Variants in DNAH12 observed in about 807,000 individuals in gnomAD.
The protein encoded by DNAH12 is axonemal beta dynein heavy chain 12.
DNAH12 carries 285 observed loss-of-function variants against 371.5 expected under a neutral mutation model. That is an observed-to-expected ratio of 0.77 (90% confidence interval 0.70 to 0.85). The LOEUF (loss-of-function observed/expected upper bound fraction) is 0.85, where lower values mean the gene tolerates loss of function less well. Among genes scored for constraint, DNAH12 ranks in the 40% least tolerant of loss-of-function variants. The pLI, the probability that DNAH12 is intolerant of heterozygous loss-of-function variation, is 0.00. For synonymous variants in DNAH12, 1,200 were observed against 1,213.0 expected (o/e 0.99, Z 0.22); for missense variants, 3,611 against 3,689.4 (o/e 0.98, Z 0.55).
Position 57,489,621 on chromosome 3 carries a change from T to C in DNAH12, c.1402A>G (p.Met468Val), listed in dbSNP as rs1178601182. 5.2e-6 allele frequency: 8 copies of C among 1,542,728 alleles called. No homozygotes were observed. Among genetic ancestry groups the C allele is most frequent in the South Asian group, 4.9e-5 (4 of 81,676 alleles). Residue 468 changes from methionine to valine, a missense_variant, in exon 12 of 74, where the codon ATG becomes GTG. Around this residue, in one of 3 missense-constraint regions of DNAH12, gnomAD observed 1,314 missense variants for 1,398.7 expected, o/e 0.94. Coordinates refer to ENST00000495027, the MANE Select transcript of DNAH12 (RefSeq NM_001366028.2). ...AAATCTTCACAATCCAAACGCACCATAGTGTAATGAATCCACTGAGGCAAA... is the reference window on the plus strand; with the variant it reads ...AAATCTTCACAATCCAAACGCACCACAGTGTAATGAATCCACTGAGGCAAA... ...MLLPQWIHYT[M>V]VRLDCEDLKT...
intron 70 of DNAH12, among the ~76,000 whole-genome samples, chr3:57,298,487 T>G (rs903446040): frequency 1.3e-5 from 2 of 152,200 alleles, no homozygotes; most frequent in Admixed American, 6.5e-5. Flanking sequence ...TGCACCCTGG[T>G]CAAATGTTAC....
chr3:57,397,809 A>T, intron 43 of DNAH12, among the ~76,000 whole-genome samples: 1 of 152,296 alleles, frequency 6.6e-6, no homozygotes, highest in Middle Eastern at 3.4e-3. Context: ...ATTGGTGAAG[A>T]TCTTCCCTGC....
intron 17 of DNAH12, among the ~76,000 whole-genome samples, chr3:57,465,463 A>G (rs899223518): frequency 8.5e-4 from 129 of 152,310 alleles, no homozygotes; most frequent in African/African-American, 2.9e-3. Flanking sequence ...AGACATTACA[A>G]GAAAACTAAG....
intron 11 of DNAH12, among the ~76,000 whole-genome samples, chr3:57,501,027 T>G (rs567581112): frequency 6.6e-6 from 1 of 152,184 alleles, no homozygotes; most frequent in African/African-American, 2.4e-5. Flanking sequence ...GCAATCCTCT[T>G]GCCTTGGCGT....
chr3:57,327,677 A>G (rs994022255), intron 62 of DNAH12, among the ~76,000 whole-genome samples: 1 of 151,948 alleles, frequency 6.6e-6, no homozygotes, highest in Non-Finnish European at 1.5e-5. Flanking sequence ...AACACATTCA[A>G]AAGCTAGCAG....
intron 2 of DNAH12, among the ~76,000 whole-genome samples, chr3:57,535,929 C>T (rs1287723238): frequency 3.3e-5 from 5 of 151,962 alleles, no homozygotes; most frequent in African/African-American, 4.8e-5. Context: ...CTCGGCCTCC[C>T]GGGTTCAAGT....
chr3:57,520,085 G>T, intron 4 of DNAH12: 1 of 71,304 alleles, frequency 1.4e-5, no homozygotes, highest in Non-Finnish European at 2.9e-5. Flanking sequence ...TGGCTACAGC[G>T]TTACCTTATC....
chr3:57,475,312 T>C (rs1165436079), intron 13 of DNAH12, among the ~76,000 whole-genome samples: 1 of 151,962 alleles, frequency 6.6e-6, no homozygotes, highest in Non-Finnish European at 1.5e-5. Flanking sequence ...TGGCAAGGCC[T>C]TGTCTCCAAC....
At chr3:57,454,654 G>A in intron 23 of DNAH12, 121 bp downstream of exon 23, 1 of 1,339,928 alleles carries the variant, frequency 7.5e-7, no homozygotes, top group South Asian at 1.4e-5. Flanking sequence ...AGGATTTCTT[G>A]AGGCCAGGAG....
intron 62 of DNAH12, among the ~76,000 whole-genome samples, chr3:57,323,936 T>A (rs2061870237): frequency 6.6e-6 from 1 of 152,242 alleles, no homozygotes; most frequent in African/African-American, 2.4e-5. Flanking sequence ...TATTTGTCTC[T>A]GTTTGGTATT....
chr3:57,382,081 T>C (rs890260613), intron 50 of DNAH12, among the ~76,000 whole-genome samples, 181 bp downstream of exon 50: 16 of 152,174 alleles, frequency 1.1e-4, no homozygotes, highest in Admixed American at 3.3e-4. Flanking sequence ...TTAGCCAGAC[T>C]GGTCTGGAAC....
chr3:57,413,925 G>C lies in DNAH12; in HGVS notation c.5854-13C>G. ...CCATGATAATGTTCTAAAATATGAA[G>C]GAAGAATGGTATATTTACCTATAAT... On this transcript the variant is annotated splice_polypyrimidine_tract_variant and intron_variant, in intron 38 of 73. Coordinates refer to ENST00000495027, the MANE Select transcript of DNAH12 (RefSeq NM_001366028.2). 1 of 1,546,578 alleles carries C rather than the reference G, an allele frequency of 6.5e-7. No individual in the cohort carries two copies. The highest frequency in any genetic ancestry group is 8.7e-7 in the Non-Finnish European group (1 of 1,144,936).
intron 57 of DNAH12, among the ~76,000 whole-genome samples, chr3:57,365,413 A>T (rs2063028541): frequency 1.3e-5 from 2 of 152,154 alleles, no homozygotes; most frequent in Admixed American, 1.3e-4. Context: ...AAAAATATGA[A>T]CACGTAGACA....
Position 57,446,178 on chromosome 3 carries a change from C to G in DNAH12, c.4032G>C (p.Gln1344His). ...GAATAGCTCTCTGAATGCAAAGGAT[C>G]TGTTGAGCTACCACTGACAACACTT... is the stretch of plus-strand genomic sequence containing the variant. The part of the protein sequence containing the change: ...ELEVLSVVAQ[Q>H]ILCIQRAIQQ... Residue 1344 changes from glutamine to histidine, a missense_variant, in exon 27 of 74, where the codon CAG (glutamine) becomes CAC (histidine). Transcript: ENST00000495027. 6.4e-7 allele frequency: 1 copy of G among 1,551,684 alleles called. No individual in the cohort carries two copies. Among genetic ancestry groups the G allele is most frequent in the Non-Finnish European group, 8.7e-7 (1 of 1,146,992 alleles).
intron 42 of DNAH12, 142 bp downstream of exon 42, chr3:57,404,827 A>T: frequency 1.4e-6 from 1 of 711,570 alleles, no homozygotes; most frequent in Non-Finnish European, 2.1e-6. Context: ...CAAATAAATT[A>T]CTAATATTTT....
At chr3:57,417,250 A>T (rs2064407834) in intron 37 of DNAH12, among the ~76,000 whole-genome samples, 1 of 151,364 alleles carries the variant, frequency 6.6e-6, no homozygotes, top group Non-Finnish European at 1.5e-5. Context: ...AACACCTTCT[A>T]AAAAAAAATT....
Position 57,479,240 on chromosome 3 carries a change from T to A in DNAH12, c.1650+4136A>T, listed in dbSNP as rs536472034. On this transcript the variant is annotated intron_variant, in intron 13 of 73. Transcript: ENST00000495027. ...GATGGAGGATGATCTACCAAGCAAA[T>A]GGAAAACAAAAAAAGGCAGGGGTTG... Among the ~76,000 whole-genome samples, 95 of 151,544 alleles carry A rather than the reference T, an allele frequency of 6.3e-4. 1 individual carries two copies. Among genetic ancestry groups the A allele is most frequent in the African/African-American group, 2.3e-3 (94 of 41,302 alleles).
intron 2 of DNAH12, 69 bp downstream of exon 2, chr3:57,542,632 A>T: frequency 6.8e-7 from 1 of 1,476,852 alleles, no homozygotes; most frequent in Non-Finnish European, 9.0e-7. Flanking sequence ...AAAACTTTTT[A>T]GGAGAATATG....
rs1427680503 is a variant in DNAH12 at position 57,323,126 on chromosome 3, G to A, written c.10264C>T (p.Gln3422Ter). ...CAGGACACTGCAAGATGGCAATTCT[G>A]TAGGCACACCCAAGTTCCTTCTTCA... ...AIEEGTWVCL[Q>*]NCHLAVSWMP... Residue 3422 changes from glutamine (Q) to a stop codon, truncating the protein, a stop_gained, in exon 64 of 74, where the codon CAG becomes TAG. Transcript: ENST00000495027. LOFTEE classifies it high-confidence loss of function. 6.4e-7 allele frequency: 1 copy of A among 1,552,406 alleles called. No individual in the cohort carries two copies. Among genetic ancestry groups the A allele is most frequent in the Admixed American group, 2.0e-5 (1 of 51,014 alleles).
Sources: allele counts gnomAD v4.1 joint callset (sites outside exome capture counted in the v4.1 genomes callset), GRCh38; gene constraint gnomAD v4.1.1; regional missense constraint gnomAD v4.1.1; transcripts MANE v1.5; gene names NCBI Gene and HGNC (gene_info 2026-07-23, HGNC 2026-07-21).